The following TMED3 variants were observed in gnomAD, a reference collection of about 807,000 sequenced individuals.
The protein encoded by TMED3 is transmembrane p24 trafficking protein 3, also known as transmembrane emp24 domain-containing protein 3.
A neutral mutation model predicts 15.0 loss-of-function variants in TMED3; 9 were observed. The ratio of observed to expected loss-of-function variants is 0.60; its 90% CI spans 0.36 to 1.04. TMED3 has a LOEUF of 1.04. Among genes scored for constraint, TMED3 ranks in the 50% least tolerant of loss-of-function variants. TMED3 has a pLI of 0.01. For synonymous variants in TMED3, 117 were observed against 121.4 expected, an observed-to-expected ratio of 0.96 and a Z score of 0.24; for missense variants, 267 against 278.9, an observed-to-expected ratio of 0.96 and a Z score of 0.30.
At chr15:79,335,302 C>T (rs1457604675) in intron 2 of TMED3, among the ~76,000 whole-genome samples, 2 of 151,348 alleles carry the variant, frequency 1.3e-5, no homozygotes, top group African/African-American at 4.9e-5. Context: ...GAAAAATAAA[C>T]AAACAACATT....
At chr15:79,353,189 A>T (rs2058901226) in intron 2 of TMED3, among the ~76,000 whole-genome samples, 1 of 76,064 alleles carries the variant, frequency 1.3e-5, no homozygotes, top group Non-Finnish European at 2.3e-5. Context: ...TATAAAATAT[A>T]TATAATATAT....
At chr15:79,404,812 G>T (rs994133940) in intron 2 of TMED3, among the ~76,000 whole-genome samples, 4 of 152,226 alleles carry the variant, frequency 2.6e-5, no homozygotes, top group Non-Finnish European at 5.9e-5. Flanking sequence ...TGTCCCTCAT[G>T]ACCACCCCTG....
chr15:79,357,153 G>T (rs562478974), intron 2 of TMED3, among the ~76,000 whole-genome samples: 1 of 152,178 alleles, frequency 6.6e-6, no homozygotes, highest in South Asian at 2.1e-4. Flanking sequence ...TGGAGAAGAG[G>T]ATCCATTTTC....
rs2058855344 is a variant in TMED3, at chr15:79,342,561, C to T, written c.417+28556C>T. ...AAGGGAGTCCTTTGAAGTACAATAT[C>T]ATAAAAGAAGTTGATAAATCTAACT... On this transcript the variant is annotated intron_variant, in intron 2 of 2. Transcript: ENST00000424155. Among the ~76,000 whole-genome samples the T allele has an allele frequency of 3.3e-5, 5 of 152,028 alleles. 1 individual carries two copies. The highest frequency in any genetic ancestry group is 3.3e-4 in the Admixed American group (5 of 15,266).
Position 79,402,093 on chromosome 15 carries a change from A to G in TMED3, c.418-9307A>G, listed in dbSNP as rs80303045. ...ACCTCAGGGATCAGGAGGAAGGGAA[A>G]GGGAGCGTGCAGGGTGAAGAAGGAA... is the stretch of plus-strand genomic sequence containing the variant. On this transcript the variant is annotated intron_variant, in intron 2 of 2. Transcript: ENST00000424155. Among the ~76,000 whole-genome samples the G allele has an allele frequency of 9.7e-3, 1,480 of 152,300 alleles. 16 individuals carry two copies. Among genetic ancestry groups the G allele is most frequent in the African/African-American group, 0.034 (1,408 of 41,556 alleles).
At chr15:79,314,118 A>G in intron 2 of TMED3, 113 bp downstream of exon 2, 1 of 1,435,250 alleles carries the variant, frequency 7.0e-7, no homozygotes, top group Non-Finnish European at 9.3e-7. Context: ...CCAGTCTGGA[A>G]GTCTCAGGGT....
Position 79,311,180 on chromosome 15 carries a change from T to C in TMED3, c.-70T>C. The C allele has an allele frequency of 6.7e-7, 1 of 1,497,400 alleles. No individual in the cohort carries two copies. Among genetic ancestry groups the C allele is most frequent in the Non-Finnish European group, 8.9e-7 (1 of 1,124,466 alleles). 92.8% of individuals were successfully genotyped at this position (1,497,400 alleles called of 1,614,324 possible). A position where few individuals can be genotyped will look rare whatever the true frequency, so the allele number is the denominator to read the frequency against. ...TTACATCCTCCTAGGACCCGGTCGGTAGTCGTCGCCCCAGCCCGCCGGGGG... is the reference window on the plus strand; with the variant it reads ...TTACATCCTCCTAGGACCCGGTCGGCAGTCGTCGCCCCAGCCCGCCGGGGG... On this transcript the variant is annotated 5_prime_UTR_variant, in exon 1 of 3. Coordinates refer to ENST00000299705, the MANE Select transcript of TMED3 (RefSeq NM_007364.4).
chr15:79,399,186 C>T (rs548413534), intron 2 of TMED3, among the ~76,000 whole-genome samples: 17 of 152,220 alleles, frequency 1.1e-4, no homozygotes, highest in Non-Finnish European at 1.8e-4. Flanking sequence ...GCTGGAATTA[C>T]AGGCATGAGC....
At chr15:79,358,138 C>T (rs904169329) in intron 2 of TMED3, among the ~76,000 whole-genome samples, 3 of 152,194 alleles carry the variant, frequency 2.0e-5, no homozygotes, top group East Asian at 1.9e-4. Context: ...CAGTCCTACT[C>T]GTTGTCTTCC....
chr15:79,324,327 T>C (rs568801035), downstream of TMED3, among the ~76,000 whole-genome samples: 2 of 152,314 alleles, frequency 1.3e-5, no homozygotes, highest in East Asian at 3.9e-4. Flanking sequence ...GCTTTACAGT[T>C]AAACAGCATA....
chr15:79,395,634 A>T (rs1285407314), intron 2 of TMED3, among the ~76,000 whole-genome samples: 2 of 152,226 alleles, frequency 1.3e-5, no homozygotes, highest in African/African-American at 4.8e-5. Context: ...TTAGAATTTT[A>T]GTTTGCCCTT....
intron 2 of TMED3, among the ~76,000 whole-genome samples, chr15:79,386,891 G>A (rs531816777): frequency 1.9e-4 from 29 of 150,498 alleles, no homozygotes; most frequent in Non-Finnish European, 4.1e-4. Flanking sequence ...TTTTGTTTAT[G>A]GCTAACACTT....
At chr15:79,331,650 T>C (rs577307169) in intron 2 of TMED3, among the ~76,000 whole-genome samples, 91 of 151,718 alleles carry the variant, frequency 6.0e-4, no homozygotes, top group Middle Eastern at 3.4e-3. Context: ...TTCGAAGTAT[T>C]CATCAGATAA....
In TMED3 at chr15:79,322,145, C is replaced by T; in HGVS notation, c.585C>T (p.Phe195=). 1.2e-6 allele frequency: 2 copies of T among 1,614,226 alleles called. No homozygotes were observed. Among genetic ancestry groups the T allele is most frequent in the East Asian group, 2.2e-5 (1 of 44,874 alleles). The stretch of plus-strand genomic sequence containing the variant: ...CGATTGCCCTGTTCGTGGTCAGCTT[C>T]AGTCAGGTGCTACTGTTGAAAAGCT... The part of the protein sequence containing the change: ...GETIALFVVS[F]SQVLLLKSFF... The change falls in exon 3 of 3, where the codon TTC becomes TTT. Residue 195 remains phenylalanine (F), a synonymous_variant. Coordinates refer to ENST00000299705, the MANE Select transcript of TMED3 (RefSeq NM_007364.4).
At chr15:79,387,823 A>G (rs557651271) in intron 2 of TMED3, among the ~76,000 whole-genome samples, 2 of 152,110 alleles carry the variant, frequency 1.3e-5, no homozygotes, top group Non-Finnish European at 2.9e-5. Context: ...TCTTGTCTGG[A>G]TTCCTACATA....
chr15:79,345,635 G>A (rs759503377), intron 2 of TMED3, among the ~76,000 whole-genome samples: 2 of 152,060 alleles, frequency 1.3e-5, no homozygotes, highest in Non-Finnish European at 2.9e-5. Flanking sequence ...TCTTTATAAC[G>A]AAACAATTTA....
chr15:79,403,877 A>C (rs1229999877), intron 2 of TMED3, among the ~76,000 whole-genome samples: 1 of 152,166 alleles, frequency 6.6e-6, no homozygotes, highest in African/African-American at 2.4e-5. Flanking sequence ...GAATATGTAC[A>C]TTCTAGATAT....
intron 2 of TMED3, among the ~76,000 whole-genome samples, chr15:79,379,135 T>A (rs1032621111): frequency 4.6e-5 from 7 of 152,244 alleles, no homozygotes; most frequent in Admixed American, 4.6e-4. Flanking sequence ...TTAATTATAC[T>A]GTTGCCCCTT....
chr15:79,344,762 G>A (rs1401278259), intron 2 of TMED3, among the ~76,000 whole-genome samples: 1 of 152,198 alleles, frequency 6.6e-6, no homozygotes, highest in African/African-American at 2.4e-5. Flanking sequence ...TGGCAAGGTC[G>A]AGATCGTTGG....
Sources: allele counts gnomAD v4.1 joint callset (sites outside exome capture counted in the v4.1 genomes callset), GRCh38; gene constraint gnomAD v4.1.1; transcripts MANE v1.5; gene names NCBI Gene and HGNC (gene_info 2026-07-23, HGNC 2026-07-21).